OSBPL10: variants seen among roughly 807,000 people sequenced by gnomAD.
The protein encoded by OSBPL10 is oxysterol binding protein like 10.
Under a neutral mutation model 81.7 loss-of-function variants are expected in OSBPL10, and 49 were observed. The ratio of observed to expected loss-of-function variants is 0.60; its 90% CI spans 0.48 to 0.76. OSBPL10 has a LOEUF of 0.76. Ranked by LOEUF, OSBPL10 falls within the 30% of genes least tolerant of loss-of-function variation. The pLI is 0.00. For missense variants in OSBPL10, 923 were observed against 987.8 expected, an observed-to-expected ratio of 0.93 and a Z score of 0.88; for synonymous variants, 419 against 383.6, an observed-to-expected ratio of 1.09 and a Z score of -1.08.
chr3:31,972,680 G>T (rs1381068130), intron 1 of OSBPL10, among the ~76,000 whole-genome samples: 1 of 152,160 alleles, frequency 6.6e-6, no homozygotes, highest in African/African-American at 2.4e-5. Flanking sequence ...ACTCATGGCA[G>T]CCTGCACAGG....
At chr3:31,836,266 T>C (rs1237765271) in intron 3 of OSBPL10, among the ~76,000 whole-genome samples, 1 of 152,200 alleles carries the variant, frequency 6.6e-6, no homozygotes, top group Admixed American at 6.5e-5. Context: ...ACTAACTTTA[T>C]ACCAATACCC....
chr3:31,942,675 A>C (rs1395734401), intron 1 of OSBPL10, among the ~76,000 whole-genome samples: 2 of 152,266 alleles, frequency 1.3e-5, no homozygotes, highest in African/African-American at 4.8e-5. Context: ...AAACCCATTT[A>C]AAGCACAGGC....
chr3:32,035,987 C>T (rs1699514533), intron 2 of OSBPL10, among the ~76,000 whole-genome samples: 1 of 152,166 alleles, frequency 6.6e-6, no homozygotes, highest in African/African-American at 2.4e-5. Flanking sequence ...TGACCACTGT[C>T]ATACTTTCTG....
chr3:32,005,032 T>C (rs943161974), intron 2 of OSBPL10, among the ~76,000 whole-genome samples: 1 of 152,202 alleles, frequency 6.6e-6, no homozygotes, highest in Admixed American at 6.5e-5. Context: ...ACACCGTAGA[T>C]CTTAATCTGC....
intron 1 of OSBPL10, among the ~76,000 whole-genome samples, chr3:32,070,006 T>C (rs1481141455): frequency 2.6e-5 from 4 of 152,184 alleles, no homozygotes; most frequent in Non-Finnish European, 4.4e-5. Context: ...TTCTAAAGCC[T>C]CTGGAGCCCA....
chr3:32,050,661 ATTT>A (rs57922283), intron 1 of OSBPL10, among the ~76,000 whole-genome samples: 45 of 140,074 alleles, frequency 3.2e-4, no homozygotes, highest in Non-Finnish European at 4.5e-4. Context: ...ATACAAAAGG[ATTT>A]TTTTTTTTTT....
chr3:31,847,291 G>A (rs1012919039), intron 3 of OSBPL10, among the ~76,000 whole-genome samples: 3 of 151,864 alleles, frequency 2.0e-5, no homozygotes, highest in Admixed American at 6.6e-5. Context: ...CGGTCTCCCA[G>A]GTTCAAGCAA....
chr3:31,897,818 G>T (rs1696099896), intron 1 of OSBPL10, among the ~76,000 whole-genome samples: 2 of 151,720 alleles, frequency 1.3e-5, no homozygotes, highest in South Asian at 4.2e-4. Flanking sequence ...GACCAGCCTG[G>T]CCAATATGGT....
At chr3:31,922,821 A>T (rs1394294521) in intron 1 of OSBPL10, among the ~76,000 whole-genome samples, 2 of 152,076 alleles carry the variant, frequency 1.3e-5, no homozygotes, top group Non-Finnish European at 2.9e-5. Flanking sequence ...CTTCATCTCC[A>T]CACTGCACAC....
Position 31,702,436 on chromosome 3 carries a change from A to T in OSBPL10, c.1168T>A (p.Leu390Met). The T allele has an allele frequency of 1.2e-6, 2 of 1,614,202 alleles. No homozygotes were observed. Among genetic ancestry groups the T allele is most frequent in the Middle Eastern group, 3.3e-4 (2 of 6,062 alleles). The change falls in exon 7 of 12, where the codon TTG (leucine) becomes ATG (methionine). Residue 390 changes from leucine (L) to methionine (M), a missense_variant. Around this residue, in one of 3 missense-constraint regions of OSBPL10, gnomAD observed 514 missense variants for 508.0 expected, o/e 1.01. Coordinates refer to ENST00000396556, the MANE Select transcript of OSBPL10 (RefSeq NM_017784.5). ...CTACGCTGATCCTCCATGACGCCCA[A>T]TTCCGTCTCTTCCTTATCTTCATTG... Reference protein sequence around the residue: ...SDNEDKEETELGVMEDQRSII... With the variant: ...SDNEDKEETEMGVMEDQRSII...
At chr3:31,663,994 T>TG in intron 11 of OSBPL10, 85 bp downstream of exon 11, 3 of 1,613,472 alleles carry the variant, frequency 1.9e-6, no homozygotes, top group Non-Finnish European at 2.5e-6. Flanking sequence ...TATCCAGTCT[T>TG]GGGGGCTCAG....
intron 4 of OSBPL10, among the ~76,000 whole-genome samples, chr3:31,790,522 G>A (rs1698982650): frequency 6.6e-6 from 1 of 152,130 alleles, no homozygotes; most frequent in Non-Finnish European, 1.5e-5. Context: ...TACACCATCT[G>A]CTAATTAAAA....
intron 1 of OSBPL10, among the ~76,000 whole-genome samples, chr3:31,880,200 T>G (rs545198455): frequency 1.3e-5 from 2 of 152,180 alleles, no homozygotes; most frequent in African/African-American, 2.4e-5. Flanking sequence ...ACAGGAACAG[T>G]TGAAATTCAC....
chr3:31,857,739 T>C (rs1700948001), intron 3 of OSBPL10, among the ~76,000 whole-genome samples: 1 of 6,036 alleles, frequency 1.7e-4, no homozygotes, highest in African/African-American at 6.0e-4. Flanking sequence ...TGGCAACCAC[T>C]ACTACTAGCC....
chr3:31,830,161 C>T lies in OSBPL10; in HGVS notation c.608G>A (p.Cys203Tyr), dbSNP rs752689081. The T allele has an allele frequency of 6.2e-7, 1 of 1,614,176 alleles. No homozygotes were observed. Among genetic ancestry groups the T allele is most frequent in the Non-Finnish European group, 8.5e-7 (1 of 1,180,036 alleles). ...CCCCACACTGAGGTGTCTCTGGCTA[C>T]AGGGAGACGCAGAATTGGGTGTTCC... Reference protein sequence around the residue: ...PHGTPNSASPCSQRHLSVGAP... With the variant: ...PHGTPNSASPYSQRHLSVGAP... Residue 203 changes from cysteine (C) to tyrosine (Y), a missense_variant, in exon 4 of 12, where the codon TGT becomes TAT. Cys to Tyr is a radical substitution (Grantham distance 194). Transcript: ENST00000396556.
intron 4 of OSBPL10, among the ~76,000 whole-genome samples, chr3:31,823,756 G>A (rs1036165121): frequency 8.5e-5 from 13 of 152,078 alleles, no homozygotes; most frequent in Admixed American, 6.5e-4. Flanking sequence ...TAGAGTGCGT[G>A]TTATATTACA....
chr3:31,994,838 G>T (rs139095030), intron 2 of OSBPL10, among the ~76,000 whole-genome samples: 1 of 152,132 alleles, frequency 6.6e-6, no homozygotes, highest in African/African-American at 2.4e-5. Flanking sequence ...ATATTTCAAC[G>T]TAGGTTCTTT....
intron 4 of OSBPL10, among the ~76,000 whole-genome samples, chr3:31,824,551 G>A (rs1477911003): frequency 1.3e-5 from 2 of 152,170 alleles, no homozygotes; most frequent in African/African-American, 4.8e-5. Context: ...GATATGTACA[G>A]TTTGATATCG....
intron 2 of OSBPL10, among the ~76,000 whole-genome samples, chr3:32,009,172 T>C (rs1699230121): frequency 6.6e-6 from 1 of 152,204 alleles, no homozygotes; most frequent in Non-Finnish European, 1.5e-5. Context: ...TAGGAACTCT[T>C]GGCTTTCCCC....
Sources: gnomAD v4.1 joint callset for allele counts (sites outside exome capture counted in the v4.1 genomes callset) on GRCh38, gnomAD v4.1.1 for gene constraint, gnomAD v4.1.1 regional missense constraint, MANE v1.5 for transcripts, NCBI Gene and HGNC (gene_info 2026-07-23, HGNC 2026-07-21) for gene names.